Variants in CPLANE1 observed in about 807,000 individuals in gnomAD.
CPLANE1 encodes ciliogenesis and planar polarity effector complex subunit 1.
Under a neutral mutation model 362.5 loss-of-function variants are expected in CPLANE1, and 263 were observed. That is an observed-to-expected ratio of 0.73 (90% confidence interval 0.66 to 0.80). The LOEUF (loss-of-function observed/expected upper bound fraction) is 0.80. Ranked by LOEUF, CPLANE1 falls within the 30% of genes least tolerant of loss-of-function variation. The pLI is 0.00. For missense variants in CPLANE1, 3,461 were observed against 3,793.4 expected (o/e 0.91, Z 2.30); for synonymous variants, 1,212 against 1,302.6 (o/e 0.93, Z 1.50).
Position 37,206,393 on chromosome 5 carries a change from A to G in CPLANE1, c.2953T>C (p.Ser985Pro), listed in dbSNP as rs1379745252. ...TCTCTAACAACACTGGCCACCTTAG[A>G]GTGTTGCAGAGGAATAAGTCGAAAG... is the stretch of plus-strand genomic sequence containing the variant. Reference protein sequence around the residue: ...QSFRLIPLQHSKVASVVRDQN... With the variant: ...QSFRLIPLQHPKVASVVRDQN... The change falls in exon 17 of 53, where the codon TCT (serine) becomes CCT (proline). Residue 985 changes from serine (S) to proline (P), a missense_variant. This residue lies in a region of CPLANE1 where 3,380 missense variants were observed against 3,666.1 expected (regional missense o/e 0.92). Coordinates refer to ENST00000651892, the MANE Select transcript of CPLANE1 (RefSeq NM_001384732.1). 6.4e-7 allele frequency: 1 copy of G among 1,551,660 alleles called. No individual in the cohort carries two copies. The highest frequency in any genetic ancestry group is 8.7e-7 in the Non-Finnish European group (1 of 1,146,900).
At position 37,187,821 on chromosome 5, in the gene CPLANE1, G is replaced by A. The variant is rs1285942232; in HGVS notation, c.3833C>T (p.Ala1278Val). The change falls in exon 22 of 53, where the codon GCT becomes GTT. Residue 1278 changes from alanine (A) to valine (V), a missense_variant. Coordinates refer to ENST00000651892, the MANE Select transcript of CPLANE1 (RefSeq NM_001384732.1). ...RAIGCFRELC[A>V]LCWMLHVRDK... ...ACGGACATGCAGCATCCAACACAGA[G>A]CACAAAGTTCTCTGAAGCAACCTAA... The A allele has an allele frequency of 6.2e-7, 1 of 1,612,980 alleles. No homozygotes were observed. The highest frequency in any genetic ancestry group is 2.2e-5 in the East Asian group (1 of 44,834).
At position 37,142,340 on chromosome 5, in the gene CPLANE1, T is replaced by C; in HGVS notation, c.8602A>G (p.Ser2868Gly). 2.5e-6 allele frequency: 4 copies of C among 1,603,272 alleles called. No homozygotes were observed. The South Asian group carries it at 4.5e-5, about 18-fold the overall frequency. Residue 2868 changes from serine (S) to glycine (G), a missense_variant, in exon 44 of 53, where the codon AGT (serine) becomes GGT (glycine). Physicochemically the swap from Ser to Gly is moderately conservative, Grantham distance 56 (BLOSUM62 0). Coordinates refer to ENST00000651892, the MANE Select transcript of CPLANE1 (RefSeq NM_001384732.1). Reference protein sequence around the residue: ...PTADSAVSLSSSSDQNTTSPG... With the variant: ...PTADSAVSLSGSSDQNTTSPG... The stretch of plus-strand genomic sequence containing the variant: ...GAAGTAGTATTCTGATCACTGGAAC[T>C]GGAAAGGCTGACAGCTGAATCGGCA...
At chr5:37,110,570 C>A (rs1161280003) in intron 51 of CPLANE1, among the ~76,000 whole-genome samples, 1 of 152,148 alleles carries the variant, frequency 6.6e-6, no homozygotes, top group Non-Finnish European at 1.5e-5. Context: ...ACCTAGCCAG[C>A]CTCATTCTCC....
Position 37,139,755 on chromosome 5 carries a change from G to C in CPLANE1, c.8633-385C>G, listed in dbSNP as rs1011281494. 7 of 595,122 alleles carry C rather than the reference G, an allele frequency of 1.2e-5. No homozygotes were observed. In the African/African-American group the frequency reaches 1.4e-4, roughly 12 times the overall value. The allele number at this position is 595,122 out of a possible 1,614,324, so 36.9% of individuals were successfully genotyped here. A position where few individuals can be genotyped will look rare whatever the true frequency, so the allele number is the denominator to read the frequency against. On this transcript the variant is annotated intron_variant, in intron 44 of 52. Transcript: ENST00000651892. ...TGTAGACACGGGGTCTTGCTATGTT[G>C]CCCAGGTTGGTCTCGAACTCCTGAG...
Position 37,238,493 on chromosome 5 carries a change from T to C in CPLANE1, c.938+364A>G, listed in dbSNP as rs13158459. 5.6e-3 allele frequency among the ~76,000 whole-genome samples: 529 copies of C among 93,760 alleles called. 1 individual carries two copies. The highest frequency in any genetic ancestry group is 0.012 in the African/African-American group (371 of 31,788). The allele number at this position is 93,760 out of a possible 152,430, so 61.5% of individuals were successfully genotyped here. ...CCACAGCGCCCAGCCTTTTCTTTTT[T>C]TTTTTTTTTTTTTTTTTTTGAGATA... On this transcript the variant is annotated intron_variant, in intron 8 of 52. Coordinates refer to ENST00000651892, the MANE Select transcript of CPLANE1 (RefSeq NM_001384732.1).
At position 37,195,962 on chromosome 5, in the gene CPLANE1, G is replaced by A. The variant is rs1438970950; in HGVS notation, c.3707C>T (p.Pro1236Leu). The A allele has an allele frequency of 9.9e-6, 16 of 1,609,122 alleles. No individual in the cohort carries two copies. Among genetic ancestry groups the A allele is most frequent in the Non-Finnish European group, 1.3e-5 (15 of 1,178,234 alleles). Residue 1236 changes from proline (P) to leucine (L), a missense_variant, in exon 21 of 53, where the codon CCT (proline) becomes CTT (leucine). Transcript: ENST00000651892. ...RMKGSLPSLS[P>L]FPQSLLNYCK... ...GTAATTAAGTAATGACTGAGGAAAAGGACTCAGTGAAGGAAGGGATCCTTT... is the reference window on the plus strand; with the variant it reads ...GTAATTAAGTAATGACTGAGGAAAAAGACTCAGTGAAGGAAGGGATCCTTT...
chr5:37,224,058 G>A (rs898090465), intron 14 of CPLANE1, among the ~76,000 whole-genome samples, 195 bp downstream of exon 14: 4 of 152,140 alleles, frequency 2.6e-5, no homozygotes, highest in Non-Finnish European at 4.4e-5. Flanking sequence ...CCTACAACAT[G>A]TATTCTATTT....
At chr5:37,075,758 C>G in the CPLANE1 span, among the ~76,000 whole-genome samples, 1 of 152,160 alleles carries the variant, frequency 6.6e-6, no homozygotes, top group African/African-American at 2.4e-5. Context: ...AAGCTTGCTG[C>G]CTTCTTCCCG....
At position 37,183,464 on chromosome 5, in the gene CPLANE1, C is replaced by A; in HGVS notation, c.4717G>T (p.Asp1573Tyr). The change falls in exon 26 of 53, where the codon GAC (aspartate) becomes TAC (tyrosine). Residue 1573 changes from aspartate to tyrosine, a missense_variant. This residue lies in a region of CPLANE1 where 3,380 missense variants were observed against 3,666.1 expected (regional missense o/e 0.92). Transcript: ENST00000651892. ...GAAAAACTAGTTAGAAATGGAATGT[C>A]AGCATCCCTGGAATAAGGTAGGTCT... ...ERDLPYSRDA[D>Y]IPFLTSFSGK... 1 of 1,613,372 alleles carries A rather than the reference C, an allele frequency of 6.2e-7. No individual in the cohort carries two copies. Among genetic ancestry groups the A allele is most frequent in the Non-Finnish European group, 8.5e-7 (1 of 1,179,484 alleles).
chr5:37,227,338 A>C lies in CPLANE1; in HGVS notation c.1426T>G (p.Leu476Val). 3.9e-6 allele frequency: 6 copies of C among 1,552,014 alleles called. No homozygotes were observed. The highest frequency in any genetic ancestry group is 2.6e-6 in the Non-Finnish European group (3 of 1,147,008). Residue 476 changes from leucine to valine, a missense_variant, in exon 11 of 53, where the codon TTA becomes GTA. Physicochemically the swap from Leu to Val is conservative, Grantham distance 32. Transcript: ENST00000651892. Reference protein sequence around the residue: ...RSLNSLRSSLLEHQGNESSAD... With the variant: ...RSLNSLRSSLVEHQGNESSAD... ...GAACTTTCATTTCCTTGGTGTTCTA[A>C]CAGGCTAGACCTTAGGGAATTCAGT...
Position 37,209,267 on chromosome 5 carries a change from G to A in CPLANE1, c.2921-2842C>T, listed in dbSNP as rs1172739235. On this transcript the variant is annotated intron_variant, in intron 16 of 52. Transcript: ENST00000651892. This position sits in a 1 kb window ranked among gnomAD's most constrained non-coding sequence, Gnocchi z 4.6. ...ACAGAAGCAGGGCTCTGGAGGGCAGGGATTCCCCCTCGTCTTGGCCCTACA... is the reference window on the plus strand; with the variant it reads ...ACAGAAGCAGGGCTCTGGAGGGCAGAGATTCCCCCTCGTCTTGGCCCTACA... The A allele has an allele frequency of 2.8e-6, 2 of 705,104 alleles. No individual in the cohort carries two copies. Among genetic ancestry groups the A allele is most frequent in the Non-Finnish European group, 5.2e-6 (2 of 383,026 alleles). The allele number at this position is 705,104 out of a possible 1,614,324, so 43.7% of individuals were successfully genotyped here.
In CPLANE1 at chr5:37,198,674, C is replaced by A. The variant is rs185544691; in HGVS notation, c.3672+28G>T. 8.8e-6 allele frequency: 14 copies of A among 1,590,588 alleles called. No homozygotes were observed. The African/African-American group carries it at 1.5e-4, about 17-fold the overall frequency. Reference sequence around the variant, plus strand: ...ATATGAGTAATTTCAGTTAACACAGCATGTAAATGACTAAGATATTTCCAT... The same window carrying A: ...ATATGAGTAATTTCAGTTAACACAGAATGTAAATGACTAAGATATTTCCAT... On this transcript the variant is annotated intron_variant, in intron 20 of 52. Transcript: ENST00000651892.
intron 47 of CPLANE1, among the ~76,000 whole-genome samples, chr5:37,123,913 A>G (rs950067907): frequency 3.4e-5 from 5 of 148,228 alleles, no homozygotes; most frequent in African/African-American, 1.3e-4. Flanking sequence ...CCCATTCTAC[A>G]TTAGGCTAGG....
chr5:37,143,979 C>T (rs1770617758), intron 43 of CPLANE1, among the ~76,000 whole-genome samples: 1 of 150,318 alleles, frequency 6.7e-6, no homozygotes, highest in Non-Finnish European at 1.5e-5. Context: ...TGAGGAGGTC[C>T]AACATGCCTC....
At chr5:37,198,906 G>A in intron 19 of CPLANE1, 40 bp from the exon 20 acceptor site, 1 of 1,581,536 alleles carries the variant, frequency 6.3e-7, no homozygotes. Context: ...GGCTAGTAAT[G>A]AGAAAATTTA....
intron 26 of CPLANE1, among the ~76,000 whole-genome samples, 177 bp downstream of exon 26, chr5:37,182,583 T>A (rs1333466102): frequency 6.6e-6 from 1 of 152,206 alleles, no homozygotes; most frequent in African/African-American, 2.4e-5. Context: ...GAAAGCACTT[T>A]ATTGTTAAGA....
intron 50 of CPLANE1, 149 bp from the exon 51 acceptor site, chr5:37,115,198 C>G: frequency 1.6e-6 from 1 of 609,608 alleles, no homozygotes; most frequent in East Asian, 2.8e-5. Flanking sequence ...TAAATGGTGG[C>G]TGGTTTGAAC....
At chr5:37,244,285 T>A (rs1370190445) in intron 5 of CPLANE1, 90 bp downstream of exon 5, 4 of 711,656 alleles carry the variant, frequency 5.6e-6, no homozygotes, top group Non-Finnish European at 8.3e-6. Context: ...ACAATTACTA[T>A]GAAAATTTAT....
chr5:37,192,384 G>A (rs530328228), intron 21 of CPLANE1, among the ~76,000 whole-genome samples: 4 of 152,196 alleles, frequency 2.6e-5, no homozygotes, highest in East Asian at 1.9e-4. Flanking sequence ...GCAAAAGGCC[G>A]TATCACATAG....
Sources: allele counts gnomAD v4.1 joint callset (sites outside exome capture counted in the v4.1 genomes callset), GRCh38; gene constraint gnomAD v4.1.1; regional missense constraint gnomAD v4.1.1; non-coding constraint Gnocchi (gnomAD v3.1); transcripts MANE v1.5; gene names NCBI Gene and HGNC (gene_info 2026-07-23, HGNC 2026-07-21).